Variants in FSD1 observed in about 807,000 individuals in gnomAD.
FSD1 encodes fibronectin type III and SPRY domain containing 1.
A neutral mutation model predicts 58.2 loss-of-function variants in FSD1; 23 were observed. The ratio of observed to expected loss-of-function variants is 0.40; its 90% CI spans 0.28 to 0.56. The LOEUF is 0.56. FSD1 is among the 20% of genes least tolerant of loss of function. The pLI, the probability that FSD1 is intolerant of heterozygous loss-of-function variation, is 0.54. For missense variants in FSD1, 563 were observed against 670.8 expected (o/e 0.84, Z 1.78); for synonymous variants, 265 against 263.4 (o/e 1.01, Z -0.06).
At position 4,304,607 on chromosome 19, in the gene FSD1, G is replaced by A; in HGVS notation, c.-140G>A. 2.3e-6 allele frequency: 1 copy of A among 436,054 alleles called. No individual in the cohort carries two copies. Among genetic ancestry groups the A allele is most frequent in the Non-Finnish European group, 3.7e-6 (1 of 266,804 alleles). 27.0% of individuals were successfully genotyped at this position (436,054 alleles called of 1,614,324 possible). A position where few individuals can be genotyped will look rare whatever the true frequency, so the allele number is the denominator to read the frequency against. ...CGGCGGGTGCGCCTGCGCAATGCGCGCGGTGATGGAGCGCTAACCGGGGGC... is the reference window on the plus strand; with the variant it reads ...CGGCGGGTGCGCCTGCGCAATGCGCACGGTGATGGAGCGCTAACCGGGGGC... On this transcript the variant is annotated 5_prime_UTR_variant, in exon 1 of 13. Transcript: ENST00000221856.
chr19:4,312,524 C>T (rs575080344), intron 7 of FSD1, among the ~76,000 whole-genome samples: 1 of 150,790 alleles, frequency 6.6e-6, no homozygotes, highest in Admixed American at 6.6e-5. Flanking sequence ...TGAATATAGG[C>T]CGGGCGCGGT....
chr19:4,323,426 C>T lies in FSD1; in HGVS notation c.1370C>T (p.Pro457Leu), dbSNP rs1971728140. Residue 457 changes from proline (P) to leucine (L), a missense_variant, in exon 12 of 13, where the codon CCT becomes CTT. Pro to Leu is a moderately conservative substitution (Grantham distance 98, BLOSUM62 -3). Coordinates refer to ENST00000221856, the MANE Select transcript of FSD1 (RefSeq NM_024333.3). This position sits in a 1 kb window ranked among gnomAD's most constrained non-coding sequence, Gnocchi z 7.7. ...ACCAGGTTCACACAGCCGCTGCTGC[C>T]TGCTTTCACGGTGAGCTGCCCTCCG... is the stretch of plus-strand genomic sequence containing the variant. ...FKTRFTQPLL[P>L]AFTVWCGSFQ... 4 of 1,613,662 alleles carry T rather than the reference C, an allele frequency of 2.5e-6. No homozygotes were observed. The African/African-American group carries it at 5.3e-5, about 22-fold the overall frequency.
chr19:4,312,799 C>T (rs141063120), intron 7 of FSD1, among the ~76,000 whole-genome samples: 5,932 of 145,656 alleles, frequency 0.041, 125 homozygotes, highest in Middle Eastern at 0.11. Context: ...AGCAAGACTC[C>T]GTCTCAAAAA....
Position 4,323,315 on chromosome 19 carries a change from C to G in FSD1, c.1292-33C>G. On this transcript the variant is annotated intron_variant, in intron 11 of 12. Transcript: ENST00000221856. This position sits in a 1 kb window ranked among gnomAD's most constrained non-coding sequence, Gnocchi z 7.7. Reference sequence around the variant, plus strand: ...CGTCTGCCCCCATCCCACTTCTGACCGGTCCCACTGTCACTCTGCCCCCCG... The same window carrying G: ...CGTCTGCCCCCATCCCACTTCTGACGGGTCCCACTGTCACTCTGCCCCCCG... The G allele has an allele frequency of 6.2e-7, 1 of 1,609,006 alleles. No homozygotes were observed. Among genetic ancestry groups the G allele is most frequent in the South Asian group, 1.1e-5 (1 of 90,994 alleles).
intron 10 of FSD1, among the ~76,000 whole-genome samples, chr19:4,319,486 A>G (rs183201849): frequency 2.7e-3 from 406 of 152,312 alleles, no homozygotes; most frequent in African/African-American, 9.3e-3. Flanking sequence ...ACTGGACTTT[A>G]GGGGAATTGC....
chr19:4,316,056 C>T (rs919693471), intron 7 of FSD1, among the ~76,000 whole-genome samples: 5 of 151,868 alleles, frequency 3.3e-5, no homozygotes, highest in Admixed American at 6.6e-5. Flanking sequence ...CGTGAGCCAC[C>T]GCACTTGGCC....
intron 7 of FSD1, among the ~76,000 whole-genome samples, chr19:4,313,098 A>G (rs998950620): frequency 6.6e-6 from 1 of 151,498 alleles, no homozygotes; most frequent in East Asian, 2.0e-4. Context: ...CCTGTGATAC[A>G]GCACTTTGGG....
At chr19:4,306,926 A>C (rs565067461) in intron 3 of FSD1, among the ~76,000 whole-genome samples, 66 of 152,106 alleles carry the variant, frequency 4.3e-4, no homozygotes, top group Middle Eastern at 3.4e-3. Context: ...GTGGGCTGTC[A>C]CTCAGACTCC....
chr19:4,304,816 G>T, intron 1 of FSD1, 55 bp downstream of exon 1: 1 of 522,732 alleles, frequency 1.9e-6, no homozygotes, highest in South Asian at 1.0e-4. Context: ...CGGGGAAGGG[G>T]ACCAGGTGTT....
At chr19:4,304,858 ACCCC>A in intron 1 of FSD1, 97 bp downstream of exon 1, 22 of 390,204 alleles carry the variant, frequency 5.6e-5, no homozygotes, top group South Asian at 1.3e-4. Flanking sequence ...CCCCGCCTCC[ACCCC>A]AGCTGCTCTG....
intron 9 of FSD1, 89 bp downstream of exon 9, chr19:4,318,594 G>A: frequency 8.0e-7 from 1 of 1,249,346 alleles, no homozygotes; most frequent in Non-Finnish European, 1.1e-6. Flanking sequence ...GAGTTGGGGT[G>A]GAGAGGGGAC....
At chr19:4,305,301 C>T (rs908664848) in intron 1 of FSD1, among the ~76,000 whole-genome samples, 3 of 150,368 alleles carry the variant, frequency 2.0e-5, no homozygotes, top group Non-Finnish European at 4.4e-5. Flanking sequence ...CAGGTAATTT[C>T]TTTCTCCTTG....
At chr19:4,313,635 T>C (rs1971720212) in intron 7 of FSD1, among the ~76,000 whole-genome samples, 2 of 151,648 alleles carry the variant, frequency 1.3e-5, no homozygotes, top group South Asian at 4.1e-4. Context: ...GGAGAATTGC[T>C]TGAACCCAGG....
At chr19:4,313,639 A>G (rs1300490620) in intron 7 of FSD1, among the ~76,000 whole-genome samples, 1 of 149,132 alleles carries the variant, frequency 6.7e-6, no homozygotes, top group Non-Finnish European at 1.5e-5. Context: ...AATTGCTTGA[A>G]CCCAGGAAGC....
Position 4,306,011 on chromosome 19 carries a change from C to T in FSD1, c.81C>T (p.Tyr27=). The T allele has an allele frequency of 6.2e-7, 1 of 1,614,090 alleles. No homozygotes were observed. Among genetic ancestry groups the T allele is most frequent in the Non-Finnish European group, 8.5e-7 (1 of 1,179,976 alleles). Residue 27 remains tyrosine, a synonymous_variant, in exon 2 of 13, where the codon TAC becomes TAT. Coordinates refer to ENST00000221856, the MANE Select transcript of FSD1 (RefSeq NM_024333.3). The part of the protein sequence containing the change: ...VKNEEIQSFI[Y]SLKQMLLNVE... ...ATGAAGAAATTCAGAGCTTTATCTA[C>T]TCCCTGAAACAGATGCTGCTGAACG...
At chr19:4,304,810 G>GT in intron 1 of FSD1, 49 bp downstream of exon 1, 5 of 336,324 alleles carry the variant, frequency 1.5e-5, no homozygotes, top group East Asian at 4.9e-5. Flanking sequence ...CGGGGGCGGG[G>GT]AAGGGGACCA....
intron 1 of FSD1, 93 bp from the exon 2 acceptor site, chr19:4,305,853 T>C (rs1254195040): frequency 4.5e-6 from 4 of 879,176 alleles, no homozygotes; most frequent in African/African-American, 1.6e-5. Context: ...TGTGCATGTG[T>C]GTGCACGTGT....
chr19:4,310,609 C>G lies in FSD1; in HGVS notation c.490+13C>G, dbSNP rs377103581. ...AAGTTCCTGCCTGGTGAGAGGGGCA[C>G]GCACTAGAGGGCCAGGACTTCCGGG... On this transcript the variant is annotated intron_variant, in intron 6 of 12. Transcript: ENST00000221856. The G allele has an allele frequency of 1.7e-5, 28 of 1,610,006 alleles. No homozygotes were observed. The highest frequency in any genetic ancestry group is 2.4e-5 in the Non-Finnish European group (28 of 1,179,072).
chr19:4,323,376 C>T lies in FSD1; in HGVS notation c.1320C>T (p.Thr440=), dbSNP rs776886218. Residue 440 remains threonine, a synonymous_variant, in exon 12 of 13, where the codon ACC becomes ACT. Transcript: ENST00000221856. This position sits in a 1 kb window ranked among gnomAD's most constrained non-coding sequence, Gnocchi z 7.7. ...QGLLSFYNAR[T]KQVLHTFKTR... ...TCCTGTCCTTCTACAATGCCCGCAC[C>T]AAACAAGTGCTGCACACTTTCAAGA... is the stretch of plus-strand genomic sequence containing the variant. 1.3e-5 allele frequency: 21 copies of T among 1,613,808 alleles called. No homozygotes were observed. In the South Asian group the frequency reaches 2.1e-4, roughly 16 times the overall value.
Sources: gnomAD v4.1 joint callset for allele counts (sites outside exome capture counted in the v4.1 genomes callset) on GRCh38, gnomAD v4.1.1 for gene constraint, Gnocchi (gnomAD v3.1) non-coding constraint, MANE v1.5 for transcripts, NCBI Gene and HGNC (gene_info 2026-07-23, HGNC 2026-07-21) for gene names.